The following MYO1F variants were observed in gnomAD, a reference collection of about 807,000 sequenced individuals.
MYO1F encodes the protein unconventional myosin-If.
Under a neutral mutation model 146.6 loss-of-function variants are expected in MYO1F, and 60 were observed. That is an observed-to-expected ratio of 0.41 (90% confidence interval 0.33 to 0.51). The LOEUF (loss-of-function observed/expected upper bound fraction) is 0.51. MYO1F is among the 20% of genes least tolerant of loss of function. The probability of loss-of-function intolerance (pLI) is 0.25; values close to 1 mark genes in which losing one functional copy is unlikely to be tolerated. For synonymous variants in MYO1F, 602 were observed against 602.1 expected, an observed-to-expected ratio of 1.00 and a Z score of 0.00; for missense variants, 1,274 against 1,534.3, an observed-to-expected ratio of 0.83 and a Z score of 2.83.
At chr19:8,560,259 C>T (rs575539877) in intron 1 of MYO1F, among the ~76,000 whole-genome samples, 14 of 151,662 alleles carry the variant, frequency 9.2e-5, no homozygotes, top group East Asian at 7.8e-4. Context: ...CTGAGGCGGG[C>T]GGATCATGAG....
Position 8,536,303 on chromosome 19 carries a change from G to A in MYO1F, c.1992C>T (p.Pro664=), listed in dbSNP as rs747364980. The A allele has an allele frequency of 5.6e-6, 9 of 1,607,952 alleles. No individual in the cohort carries two copies. Among genetic ancestry groups the A allele is most frequent in the African/African-American group, 5.4e-5 (4 of 74,758 alleles). ...TGGTGCTCCCCATCTGGTACTGGTC[G>A]GGCTCCATGTTGACCGCCCGAAGCA... ...QHLLRAVNME[P]DQYQMGSTKV... Residue 664 remains proline, a synonymous_variant, in exon 19 of 28, where the codon CCC becomes CCT. Transcript: ENST00000644032.
rs547741787 is a variant in MYO1F, at chr19:8,544,061, G to A, written c.1524+236C>T. 3.6e-4 allele frequency: 217 copies of A among 601,168 alleles called. 5 individuals are homozygous for A. The South Asian group carries it at 4.0e-3, about 11-fold the overall frequency. 37.2% of individuals were successfully genotyped at this position (601,168 alleles called of 1,614,324 possible). ...CGGTGCTGGTGGTGGTGGTGGTGGT[G>A]GTGGTGGTGTCCAGACAAGTTTGGG... On this transcript the variant is annotated intron_variant, in intron 14 of 27. Transcript: ENST00000644032.
rs779362654 is a variant in MYO1F, at chr19:8,527,473, C to T, written c.2339G>A (p.Arg780Gln). The change falls in exon 22 of 28, where the codon CGG becomes CAG. Residue 780 changes from arginine (R) to glutamine (Q), a missense_variant. Coordinates refer to ENST00000644032, the MANE Select transcript of MYO1F (RefSeq NM_012335.4). ...ACACTTGGGCGTCAGGATCAAGTCC[C>T]GCTTGATGGGCTGTGGGGATGCAGG... ...KYDRRFKPIK[R>Q]DLILTPKCVY... is the part of the protein sequence containing the mutation. The T allele has an allele frequency of 9.9e-6, 16 of 1,613,850 alleles. No homozygotes were observed. The highest frequency in any genetic ancestry group is 5.0e-5 in the Admixed American group (3 of 59,948).
In MYO1F at chr19:8,527,483, G is replaced by A. The variant is rs541274120; in HGVS notation, c.2329C>T (p.Pro777Ser). 3.9e-5 allele frequency: 63 copies of A among 1,613,936 alleles called. No individual in the cohort carries two copies. In the South Asian group the frequency reaches 6.5e-4, roughly 17 times the overall value. The change falls in exon 22 of 28, where the codon CCC (proline) becomes TCC (serine). Residue 777 changes from proline to serine, a missense_variant and splice_region_variant. Pro to Ser is a moderately conservative substitution (Grantham distance 74). Coordinates refer to ENST00000644032, the MANE Select transcript of MYO1F (RefSeq NM_012335.4). ...GTCAGGATCAAGTCCCGCTTGATGG[G>A]CTGTGGGGATGCAGGATTAGAGGCT... is the stretch of plus-strand genomic sequence containing the variant. The part of the protein sequence containing the change: ...SVTKYDRRFK[P>S]IKRDLILTPK...
At chr19:8,537,315 A>G (rs765898335) in intron 16 of MYO1F, among the ~76,000 whole-genome samples, 9 of 152,100 alleles carry the variant, frequency 5.9e-5, no homozygotes, top group Non-Finnish European at 1.3e-4. Flanking sequence ...CGCACTCACC[A>G]CTTACCTTGG....
intron 1 of MYO1F, among the ~76,000 whole-genome samples, chr19:8,574,536 T>C (rs1450069575): frequency 2.1e-4 from 6 of 28,926 alleles, no homozygotes; most frequent in African/African-American, 8.7e-4. Flanking sequence ...TTTCCCTTTC[T>C]TTCTTTCTTT....
rs111642569 is a variant in MYO1F, at chr19:8,545,369, G to A, written c.1356+281C>T. 0.044 allele frequency: 18,328 copies of A among 419,288 alleles called. 1,788 individuals carry two copies. Among genetic ancestry groups the A allele is most frequent in the African/African-American group, 0.26 (12,914 of 49,122 alleles). The allele number at this position is 419,288 out of a possible 1,614,324, so 26.0% of individuals were successfully genotyped here. A position where few individuals can be genotyped will look rare whatever the true frequency, so the allele number is the denominator to read the frequency against. ...CTCCCAAAGTGCTGGGATTACAGGCGTGAGCCACCGGCATGGAATCTGCAA... is the reference window on the plus strand; with the variant it reads ...CTCCCAAAGTGCTGGGATTACAGGCATGAGCCACCGGCATGGAATCTGCAA... On this transcript the variant is annotated intron_variant, in intron 13 of 27. Transcript: ENST00000644032.
Position 8,530,294 on chromosome 19 carries a change from G to T in MYO1F, c.2230C>A (p.Leu744Met), listed in dbSNP as rs770943124. 3.3e-5 allele frequency: 54 copies of T among 1,614,160 alleles called. No homozygotes were observed. The East Asian group carries it at 1.2e-3, about 35-fold the overall frequency. ...SINRNFVGDY[L>M]GLEERPELRQ... ...AGCTCGGGCCGCTCCTCCAGCCCCA[G>T]GTAGTCCCCGACGAAGTTCCGATTG... is the stretch of plus-strand genomic sequence containing the variant. Residue 744 changes from leucine (L) to methionine (M), a missense_variant, in exon 21 of 28, where the codon CTG becomes ATG. Coordinates refer to ENST00000644032, the MANE Select transcript of MYO1F (RefSeq NM_012335.4). The surrounding 1 kb of genome is among the most constrained non-coding windows in gnomAD (Gnocchi z 5.8).
chr19:8,569,570 C>T (rs977569311), intron 1 of MYO1F, among the ~76,000 whole-genome samples: 22 of 151,920 alleles, frequency 1.4e-4, no homozygotes, highest in Admixed American at 7.9e-4. Context: ...GGAGACCAGG[C>T]TTAGGTGGAC....
chr19:8,562,660 G>C (rs1344377681), intron 1 of MYO1F, among the ~76,000 whole-genome samples: 1 of 151,692 alleles, frequency 6.6e-6, no homozygotes, highest in Non-Finnish European at 1.5e-5. Context: ...CCAGCCTCCT[G>C]AGTAGCTGGG....
intron 19 of MYO1F, among the ~76,000 whole-genome samples, chr19:8,535,556 T>C (rs1599932526): frequency 6.6e-6 from 1 of 152,010 alleles, no homozygotes; most frequent in African/African-American, 2.4e-5. Flanking sequence ...AGGCATGCGC[T>C]ACCACACCTG....
intron 1 of MYO1F, among the ~76,000 whole-genome samples, chr19:8,569,660 A>G (rs946977645): frequency 6.6e-6 from 1 of 152,094 alleles, no homozygotes; most frequent in African/African-American, 2.4e-5. Context: ...ATGGCTGGAA[A>G]GTACTGTGGA....
In MYO1F at chr19:8,525,940, C is replaced by T. The variant is rs540336861; in HGVS notation, c.2771-378G>A. 9.2e-5 allele frequency among the ~76,000 whole-genome samples: 14 copies of T among 152,264 alleles called. 1 individual carries two copies. In the South Asian group the frequency reaches 2.9e-3, roughly 32 times the overall value. ...CTGTTGCCCTCTCTGGTCCAGCCTG[C>T]TGGCCCCGCCCCACTATTTTGATTG... On this transcript the variant is annotated intron_variant, in intron 24 of 27. Coordinates refer to ENST00000644032, the MANE Select transcript of MYO1F (RefSeq NM_012335.4).
chr19:8,532,901 A>AAAAAAAAAATAT (rs1172873322), intron 19 of MYO1F, among the ~76,000 whole-genome samples: 1 of 47,826 alleles, frequency 2.1e-5, no homozygotes, highest in Non-Finnish European at 3.7e-5. Context: ...AAAAAAAAAA[A>AAAAAAAAAATAT]ATACACACAC....
At chr19:8,574,828 T>C (rs185797819) in intron 1 of MYO1F, among the ~76,000 whole-genome samples, 28 of 150,396 alleles carry the variant, frequency 1.9e-4, no homozygotes, top group Non-Finnish European at 3.2e-4. Flanking sequence ...TGATCTCGTC[T>C]CATTGCGACC....
Position 8,522,770 on chromosome 19 carries a change from T to G in MYO1F, c.2914A>C (p.Met972Leu). The G allele has an allele frequency of 6.2e-7, 1 of 1,608,582 alleles. No individual in the cohort carries two copies. Residue 972 changes from methionine (M) to leucine (L), a missense_variant, in exon 26 of 28, where the codon ATG becomes CTG. This residue lies in a region of MYO1F where 374 missense variants were observed against 379.2 expected (regional missense o/e 0.99). Coordinates refer to ENST00000644032, the MANE Select transcript of MYO1F (RefSeq NM_012335.4). Reference sequence around the variant, plus strand: ...GGCCTGTGGGTGCCCCCTCCAGACATGATCTCCAGGGGCAGGGGGCCCCCT... The same window carrying G: ...GGCCTGTGGGTGCCCCCTCCAGACAGGATCTCCAGGGGCAGGGGGCCCCCT... ...ARGGPLPLEI[M>L]SGGGTHRPPR...
intron 1 of MYO1F, among the ~76,000 whole-genome samples, chr19:8,556,520 A>G (rs1973865942): frequency 1.4e-5 from 2 of 147,276 alleles, no homozygotes; most frequent in Non-Finnish European, 3.0e-5. Flanking sequence ...AAGAAAGAGA[A>G]AGAAAGAAAG....
At chr19:8,569,076 A>G (rs1290416540) in intron 1 of MYO1F, among the ~76,000 whole-genome samples, 4 of 152,148 alleles carry the variant, frequency 2.6e-5, no homozygotes, top group Admixed American at 6.6e-5. Context: ...GTTGGACAGA[A>G]AGCCTGGTCA....
At chr19:8,576,673 C>T (rs1485443084) in intron 1 of MYO1F, 2 of 157,346 alleles carry the variant, frequency 1.3e-5, no homozygotes, top group South Asian at 1.7e-4. Context: ...GGATGCCCAC[C>T]AAAGGGTGGC....
Sources: allele counts gnomAD v4.1 joint callset (sites outside exome capture counted in the v4.1 genomes callset), GRCh38; gene constraint gnomAD v4.1.1; regional missense constraint gnomAD v4.1.1; non-coding constraint Gnocchi (gnomAD v3.1); transcripts MANE v1.5; gene names NCBI Gene and HGNC (gene_info 2026-07-23, HGNC 2026-07-21).